Variants in MROH1 observed in about 807,000 individuals in gnomAD.
MROH1 encodes maestro heat like repeat family member 1.
A neutral mutation model predicts 116.5 loss-of-function variants in MROH1; 117 were observed. That is an observed-to-expected ratio of 1.00 (90% confidence interval 0.86 to 1.17). The LOEUF is 1.17. Ranked by LOEUF, MROH1 falls within the 50% of genes most tolerant of loss-of-function variation. The pLI is 0.00. For synonymous variants in MROH1, 921 were observed against 583.9 expected (o/e 1.58, Z -8.32); for missense variants, 1,873 against 1,338.5 (o/e 1.40, Z -6.23).
At chr8:144,162,477 C>T (rs1473745445) in intron 2 of MROH1, among the ~76,000 whole-genome samples, 1 of 151,290 alleles carries the variant, frequency 6.6e-6, no homozygotes, top group African/African-American at 2.4e-5. Flanking sequence ...TTCACTGTAA[C>T]CTCCGCCTAC....
At chr8:144,202,436 G>C (rs1831423050) in intron 12 of MROH1, among the ~76,000 whole-genome samples, 1 of 150,390 alleles carries the variant, frequency 6.6e-6, no homozygotes, top group Admixed American at 6.6e-5. Flanking sequence ...GGGGTTGGGA[G>C]GGAAGCGCCC....
At chr8:144,253,508 C>A (rs2133226695) in intron 33 of MROH1, among the ~76,000 whole-genome samples, 1 of 152,310 alleles carries the variant, frequency 6.6e-6, no homozygotes, top group Admixed American at 6.5e-5. Context: ...CATGGGGGCC[C>A]ACAGTGGCTG....
rs1841676067 is a variant in MROH1, at chr8:144,245,145, C to G, written c.2767-11C>G. ...TCTGAGCAGTACCTGTGTGACGCCC[C>G]TCTTCCTCAGCACCTGAGCCCATGG... On this transcript the variant is annotated splice_polypyrimidine_tract_variant and intron_variant, in intron 28 of 43. Coordinates refer to ENST00000326134, the MANE Select transcript of MROH1 (RefSeq NM_032450.3). The G allele has an allele frequency of 1.3e-6, 1 of 778,770 alleles. No individual in the cohort carries two copies. The highest frequency in any genetic ancestry group is 1.7e-5 in the Admixed American group (1 of 59,020). 48.2% of individuals were successfully genotyped at this position (778,770 alleles called of 1,614,324 possible). A position where few individuals can be genotyped will look rare whatever the true frequency, so the allele number is the denominator to read the frequency against.
chr8:144,218,921 G>A (rs1180644357), intron 12 of MROH1, among the ~76,000 whole-genome samples: 5 of 120,076 alleles, frequency 4.2e-5, no homozygotes, highest in South Asian at 3.2e-4. Flanking sequence ...TGCAACCTCC[G>A]CCTCCTGGGC....
chr8:144,182,925 A>C lies in MROH1; in HGVS notation c.562+2402A>C, dbSNP rs963221256. ...AACCCCGTCTCTACTAAAAATACAA[A>C]AAAATTAGCCGGGTGTGGTGGCGCA... is the stretch of plus-strand genomic sequence containing the variant. On this transcript the variant is annotated intron_variant, in intron 7 of 43. Coordinates refer to ENST00000326134, the MANE Select transcript of MROH1 (RefSeq NM_032450.3). This position sits in a 1 kb window ranked among gnomAD's most constrained non-coding sequence, Gnocchi z 4.1. Among the ~76,000 whole-genome samples the C allele has an allele frequency of 9.2e-5, 14 of 152,260 alleles. No homozygotes were observed. Among genetic ancestry groups the C allele is most frequent in the African/African-American group, 2.6e-4 (11 of 41,542 alleles).
At chr8:144,220,983 G>C (rs1329123623) in intron 13 of MROH1, among the ~76,000 whole-genome samples, 1 of 152,182 alleles carries the variant, frequency 6.6e-6, no homozygotes. Context: ...TCTGCTCGCG[G>C]TGATTGCAGC....
chr8:144,200,705 T>C (rs995178067), intron 12 of MROH1, 164 bp downstream of exon 12: 4 of 620,480 alleles, frequency 6.4e-6, no homozygotes, highest in African/African-American at 5.5e-5. Context: ...TTTTGAAAAG[T>C]TGCAAGGGTG....
Position 144,239,076 on chromosome 8 carries a change from C to T in MROH1, c.1488C>T (p.Arg496=), listed in dbSNP as rs889653213. Residue 496 remains arginine (R), a synonymous_variant, in exon 16 of 44, where the codon CGC becomes CGT. Coordinates refer to ENST00000326134, the MANE Select transcript of MROH1 (RefSeq NM_032450.3). The part of the protein sequence containing the change: ...PYLLQFLTPV[R]FTGALTPLCR... ...TGCTCCAGTTCCTCACCCCTGTGCG[C>T]TTCACTGGGGCCCTGACTCCGCTCT... 33 of 777,688 alleles carry T rather than the reference C, an allele frequency of 4.2e-5. No homozygotes were observed. The highest frequency in any genetic ancestry group is 4.1e-4 in the African/African-American group (24 of 59,142). The allele number at this position is 777,688 out of a possible 1,614,324, so 48.2% of individuals were successfully genotyped here. A position where few individuals can be genotyped will look rare whatever the true frequency, so the allele number is the denominator to read the frequency against.
At chr8:144,226,322 G>A (rs529062259) in intron 14 of MROH1, among the ~76,000 whole-genome samples, 10 of 152,294 alleles carry the variant, frequency 6.6e-5, no homozygotes, top group South Asian at 6.2e-4. Flanking sequence ...TTCTCTGTAC[G>A]TTGACAAATT....
At chr8:144,207,405 C>T (rs1166782180) in intron 12 of MROH1, among the ~76,000 whole-genome samples, 2 of 151,992 alleles carry the variant, frequency 1.3e-5, no homozygotes, top group African/African-American at 4.8e-5. Context: ...CCAGGATGGT[C>T]TTGATCTTCT....
chr8:144,210,396 C>T (rs968674306), intron 12 of MROH1, among the ~76,000 whole-genome samples: 1 of 149,074 alleles, frequency 6.7e-6, no homozygotes. Context: ...CGAGATTACG[C>T]CACTGCATAA....
chr8:144,177,186 G>C (rs150073886), intron 4 of MROH1, among the ~76,000 whole-genome samples: 1 of 152,344 alleles, frequency 6.6e-6, no homozygotes, highest in African/African-American at 2.4e-5. Flanking sequence ...TGGTTTCGCA[G>C]AGTGGCAGTG....
chr8:144,254,743 C>T, intron 33 of MROH1, 70 bp from the exon 34 acceptor site: 1 of 712,280 alleles, frequency 1.4e-6, no homozygotes, highest in African/African-American at 1.7e-5. Context: ...GGGTCCACGG[C>T]ACCCAGGTGG....
At chr8:144,233,235 A>G (rs1484679648) in intron 14 of MROH1, among the ~76,000 whole-genome samples, 2 of 151,968 alleles carry the variant, frequency 1.3e-5, no homozygotes, top group Non-Finnish European at 1.5e-5. Context: ...GCTCATTCAC[A>G]TTGTTGTGGA....
intron 12 of MROH1, among the ~76,000 whole-genome samples, chr8:144,219,508 A>G (rs971159917): frequency 3.9e-5 from 6 of 152,126 alleles, no homozygotes; most frequent in Non-Finnish European, 8.8e-5. Flanking sequence ...TGAGGCTATG[A>G]AGATCCTTCT....
chr8:144,209,905 CAA>C (rs35823965), intron 12 of MROH1, among the ~76,000 whole-genome samples: 28 of 109,762 alleles, frequency 2.6e-4, no homozygotes, highest in African/African-American at 3.6e-4. Flanking sequence ...GACCCTGTCT[CAA>C]AAAAAAAAAA....
rs1820093482 is a variant in MROH1, at chr8:144,163,673, C to A, written c.-56-98C>A. 7 of 757,946 alleles carry A rather than the reference C, an allele frequency of 9.2e-6. No homozygotes were observed. Among genetic ancestry groups the A allele is most frequent in the South Asian group, 1.9e-5 (1 of 51,498 alleles). 47.0% of individuals were successfully genotyped at this position (757,946 alleles called of 1,614,324 possible). A position where few individuals can be genotyped will look rare whatever the true frequency, so the allele number is the denominator to read the frequency against. On this transcript the variant is annotated intron_variant, in intron 2 of 43. Transcript: ENST00000326134. This position sits in a 1 kb window ranked among gnomAD's most constrained non-coding sequence, Gnocchi z 4.4. ...GGAGATATTTCCCCCAGAATAAATT[C>A]ATTTAAATTGTGTATTTTACATGGA...
chr8:144,148,911 G>T lies in MROH1; in HGVS notation c.-177+835G>T, dbSNP rs974895184. ...AGCAGAAAAGGGGTACGGGGGTGTG[G>T]CCGAACTTAGGGATGTGAGCAGAGT... On this transcript the variant is annotated intron_variant, in intron 1 of 43. Coordinates refer to ENST00000326134, the MANE Select transcript of MROH1 (RefSeq NM_032450.3). 3 of 152,450 alleles carry T rather than the reference G, an allele frequency of 2.0e-5. No homozygotes were observed. The South Asian group carries it at 6.2e-4, about 32-fold the overall frequency. The allele number at this position is 152,450 out of a possible 1,614,324, so 9.4% of individuals were successfully genotyped here.
Position 144,163,726 on chromosome 8 carries a change from T to C in MROH1, c.-56-45T>C, listed in dbSNP as rs1444018424. On this transcript the variant is annotated intron_variant, in intron 2 of 43. Transcript: ENST00000326134. This position sits in a 1 kb window ranked among gnomAD's most constrained non-coding sequence, Gnocchi z 4.4. ...TGGTAATTGCCTGTGAACTCAGATA[T>C]CGTAGAGGCTTATGAATTAAATCTT... 1.7e-6 allele frequency: 2 copies of C among 1,196,636 alleles called. No homozygotes were observed. The highest frequency in any genetic ancestry group is 3.0e-5 in the African/African-American group (2 of 66,200). 74.1% of individuals were successfully genotyped at this position (1,196,636 alleles called of 1,614,324 possible).
Sources: gnomAD v4.1 joint callset for allele counts (sites outside exome capture counted in the v4.1 genomes callset) on GRCh38, gnomAD v4.1.1 for gene constraint, Gnocchi (gnomAD v3.1) non-coding constraint, MANE v1.5 for transcripts, NCBI Gene and HGNC (gene_info 2026-07-23, HGNC 2026-07-21) for gene names.